The following FARP1 variants were observed in gnomAD, a reference collection of about 807,000 sequenced individuals.
FARP1 encodes FERM, ARHGEF and pleckstrin domain-containing protein 1.
Under a neutral mutation model 128.8 loss-of-function variants are expected in FARP1, and 52 were observed. The observed-to-expected ratio is 0.40, with a 90% CI of 0.32 to 0.51. The LOEUF (loss-of-function observed/expected upper bound fraction) is 0.51, where lower values mean the gene tolerates loss of function less well. Ranked by LOEUF, FARP1 falls within the 20% of genes least tolerant of loss-of-function variation. The pLI is 0.45. For missense variants in FARP1, 1,333 were observed against 1,367.9 expected, an observed-to-expected ratio of 0.97 and a Z score of 0.40; for synonymous variants, 580 against 551.8, an observed-to-expected ratio of 1.05 and a Z score of -0.72.
At chr13:98,298,346 A>G (rs1237978146) in intron 2 of FARP1, among the ~76,000 whole-genome samples, 1 of 152,202 alleles carries the variant, frequency 6.6e-6, no homozygotes, top group Non-Finnish European at 1.5e-5. Context: ...AGACTGATTG[A>G]CAAGGTCCCA....
chr13:98,181,492 G>A (rs1407825942), intron 1 of FARP1, among the ~76,000 whole-genome samples: 1 of 151,798 alleles, frequency 6.6e-6, no homozygotes, highest in African/African-American at 2.4e-5. Context: ...ATTAAAAAGT[G>A]ACTTGTTTGG....
At chr13:98,162,674 A>G (rs1876970341) in intron 1 of FARP1, among the ~76,000 whole-genome samples, 1 of 151,946 alleles carries the variant, frequency 6.6e-6, no homozygotes, top group Admixed American at 6.6e-5. Flanking sequence ...CCCTTCATCT[A>G]CCTTTGACTT....
chr13:98,183,134 T>G (rs1271871274), intron 1 of FARP1, among the ~76,000 whole-genome samples: 1 of 152,264 alleles, frequency 6.6e-6, no homozygotes, highest in Admixed American at 6.5e-5. Flanking sequence ...ATCTAGCATC[T>G]ATTCTTATTA....
At chr13:98,408,714 T>C (rs537506905) in intron 13 of FARP1, among the ~76,000 whole-genome samples, 4 of 152,368 alleles carry the variant, frequency 2.6e-5, no homozygotes, top group Admixed American at 2.0e-4. Flanking sequence ...TGTGATAATA[T>C]AATGACGTCT....
At chr13:98,272,782 T>A (rs1211629512) in intron 2 of FARP1, among the ~76,000 whole-genome samples, 7 of 152,144 alleles carry the variant, frequency 4.6e-5, no homozygotes, top group Non-Finnish European at 5.9e-5. Flanking sequence ...CAGAGATGAT[T>A]AGTGAGGATT....
chr13:98,149,729 CTTTTTTTTT>C (rs71120307), intron 1 of FARP1, among the ~76,000 whole-genome samples: 26 of 52,416 alleles, frequency 5.0e-4, no homozygotes, highest in South Asian at 2.5e-3. Context: ...TAGATATTTA[CTTTTTTTTT>C]TTTTTTTTTT....
At chr13:98,196,891 A>AT (rs1203635031) in intron 1 of FARP1, among the ~76,000 whole-genome samples, 1 of 152,180 alleles carries the variant, frequency 6.6e-6, no homozygotes, top group African/African-American at 2.4e-5. Context: ...TTTCCTTGAC[A>AT]TTTCACTATT....
At chr13:98,154,784 C>T (rs887852627) in intron 1 of FARP1, among the ~76,000 whole-genome samples, 3 of 152,138 alleles carry the variant, frequency 2.0e-5, no homozygotes, top group South Asian at 2.1e-4. Context: ...TATCTATGGC[C>T]GCATGACACA....
intron 13 of FARP1, chr13:98,395,969 T>G (rs1594486319): frequency 2.5e-6 from 1 of 399,232 alleles, no homozygotes; most frequent in Non-Finnish European, 4.4e-6. Context: ...GAGGGGAGTA[T>G]GGGAGAAGAC....
At chr13:98,424,788 C>T in intron 17 of FARP1, 138 bp downstream of exon 17, 1 of 672,196 alleles carries the variant, frequency 1.5e-6, no homozygotes, top group Non-Finnish European at 2.7e-6. Flanking sequence ...GTCCAACCCA[C>T]CGCCGAGCAG....
intron 1 of FARP1, among the ~76,000 whole-genome samples, chr13:98,164,247 G>C (rs888762051): frequency 1.3e-5 from 2 of 152,154 alleles, no homozygotes; most frequent in Non-Finnish European, 2.9e-5. Context: ...GGGCCACCTT[G>C]GTCCGTTTTG....
rs1397405115 is a variant in FARP1 at position 98,446,118 on chromosome 13, G to T, written c.2817G>T (p.Leu939=). 6.2e-7 allele frequency: 1 copy of T among 1,613,790 alleles called. No homozygotes were observed. Among genetic ancestry groups the T allele is most frequent in the Non-Finnish European group, 8.5e-7 (1 of 1,179,768 alleles). Reference sequence around the variant, plus strand: ...TTCAGAATCAGTTGTCTGGAAACCTGCTGAGGAAATTCAAAAACAGCAACG... The same window carrying T: ...TTCAGAATCAGTTGTCTGGAAACCTTCTGAGGAAATTCAAAAACAGCAACG... ...IAVENQLSGN[L]LRKFKNSNGW... Residue 939 remains leucine, a synonymous_variant, in exon 25 of 27, where the codon CTG becomes CTT. Coordinates refer to ENST00000319562, the MANE Select transcript of FARP1 (RefSeq NM_005766.4).
chr13:98,314,944 A>T (rs1234200724), intron 2 of FARP1, among the ~76,000 whole-genome samples: 1 of 152,132 alleles, frequency 6.6e-6, no homozygotes, highest in Non-Finnish European at 1.5e-5. Context: ...AAAGACTTGG[A>T]GTGGAGAAGG....
At chr13:98,217,794 A>G (rs1473284685) in intron 2 of FARP1, among the ~76,000 whole-genome samples, 1 of 152,228 alleles carries the variant, frequency 6.6e-6, no homozygotes, top group Non-Finnish European at 1.5e-5. Context: ...TTGGAGGGCA[A>G]GGCCTCTTGT....
intron 2 of FARP1, among the ~76,000 whole-genome samples, chr13:98,246,392 C>T (rs1326890418): frequency 6.6e-6 from 1 of 151,692 alleles, no homozygotes; most frequent in Non-Finnish European, 1.5e-5. Context: ...CGCGCCCAGC[C>T]CCGAGATAAA....
chr13:98,267,702 A>G (rs1594339805), intron 2 of FARP1, among the ~76,000 whole-genome samples: 1 of 152,174 alleles, frequency 6.6e-6, no homozygotes, highest in South Asian at 2.1e-4. Flanking sequence ...ATGTCCCCTC[A>G]CCCTGCAGGC....
At chr13:98,277,150 C>CACACACACA (rs1566824337) in intron 2 of FARP1, among the ~76,000 whole-genome samples, 38 of 11,746 alleles carry the variant, frequency 3.2e-3, no homozygotes, top group South Asian at 0.013. Flanking sequence ...ACACACACAC[C>CACACACACA]CCATATGTAT....
At chr13:98,241,474 A>G (rs1882769443) in intron 2 of FARP1, among the ~76,000 whole-genome samples, 2 of 152,182 alleles carry the variant, frequency 1.3e-5, no homozygotes, top group Non-Finnish European at 2.9e-5. Context: ...ACTAGAATGC[A>G]AGCTTCTCTT....
intron 2 of FARP1, among the ~76,000 whole-genome samples, chr13:98,224,444 G>A (rs552018364): frequency 2.0e-5 from 3 of 148,134 alleles, no homozygotes; most frequent in South Asian, 2.2e-4. Context: ...GGAGAATGGC[G>A]TGAACCCCAG....
Sources: allele counts gnomAD v4.1 joint callset (sites outside exome capture counted in the v4.1 genomes callset), GRCh38; gene constraint gnomAD v4.1.1; transcripts MANE v1.5; gene names NCBI Gene and HGNC (gene_info 2026-07-23, HGNC 2026-07-21).